AKAP12: variants seen among roughly 807,000 people sequenced by gnomAD.
AKAP12 encodes A-kinase anchor protein 12.
AKAP12 carries 32 observed loss-of-function variants against 79.9 expected under a neutral mutation model. The observed-to-expected ratio is 0.40, with a 90% confidence interval of 0.30 to 0.54. The LOEUF is 0.54. Among genes scored for constraint, AKAP12 ranks in the 20% least tolerant of loss-of-function variants. The probability of loss-of-function intolerance (pLI) is 0.48; values close to 1 mark genes in which losing one functional copy is unlikely to be tolerated. For synonymous variants in AKAP12, 808 were observed against 857.0 expected (o/e 0.94, Z 1.00); for missense variants, 2,074 against 2,177.0 (o/e 0.95, Z 0.94).
chr6:151,253,565 A>G (rs948554352), intron 2 of AKAP12, among the ~76,000 whole-genome samples: 3 of 152,158 alleles, frequency 2.0e-5, no homozygotes, highest in Admixed American at 6.6e-5. Context: ...ATTGAATCCT[A>G]TAGAAACTTC....
Position 151,353,476 on chromosome 6 carries a change from G to A in AKAP12, c.5085G>A (p.Pro1695=), listed in dbSNP as rs569287283. Residue 1695 remains proline, a synonymous_variant, in exon 4 of 5, where the codon CCG becomes CCA. Transcript: ENST00000402676. ...AERIEKSLVE[P]KEDEKGDDVD... is the part of the protein sequence containing the mutation. ...GAATAGAGAAGTCACTAGTTGAACC[G>A]AAAGAAGATGAAAAAGGTGATGATG... The A allele has an allele frequency of 3.5e-5, 57 of 1,614,162 alleles. No individual in the cohort carries two copies. Among genetic ancestry groups the A allele is most frequent in the South Asian group, 7.7e-5 (7 of 91,078 alleles).
intron 3 of AKAP12, among the ~76,000 whole-genome samples, chr6:151,338,996 C>T (rs1054063144): frequency 6.6e-6 from 1 of 152,180 alleles, no homozygotes; most frequent in African/African-American, 2.4e-5. Context: ...TTGATGGATG[C>T]TCGGGCCGAT....
chr6:151,253,898 G>A (rs924291756), intron 2 of AKAP12, among the ~76,000 whole-genome samples: 2 of 151,582 alleles, frequency 1.3e-5, no homozygotes, highest in South Asian at 2.1e-4. Context: ...TAGTAGAGAC[G>A]GGGTTTTACC....
chr6:151,300,144 A>T (rs940555116), intron 2 of AKAP12, among the ~76,000 whole-genome samples: 1 of 152,172 alleles, frequency 6.6e-6, no homozygotes, highest in South Asian at 2.1e-4. Flanking sequence ...ATTAGAATGA[A>T]GGAGAAAACA....
At chr6:151,345,090 G>C (rs1024914535) in intron 3 of AKAP12, among the ~76,000 whole-genome samples, 1 of 149,216 alleles carries the variant, frequency 6.7e-6, no homozygotes, top group Non-Finnish European at 1.5e-5. Context: ...TTTTTTTTTT[G>C]GGGGGGACAG....
At chr6:151,297,727 C>T (rs1475085407) in intron 2 of AKAP12, among the ~76,000 whole-genome samples, 1 of 151,986 alleles carries the variant, frequency 6.6e-6, no homozygotes, top group Admixed American at 6.6e-5. Flanking sequence ...TGAGATGTGT[C>T]GCCTCTACCG....
chr6:151,287,033 G>A (rs1467855833), intron 2 of AKAP12, among the ~76,000 whole-genome samples: 2 of 151,018 alleles, frequency 1.3e-5, no homozygotes, highest in Admixed American at 6.6e-5. Context: ...TCTGCCTCCC[G>A]GGTTCACACC....
At chr6:151,264,704 A>G (rs1053002464) in intron 2 of AKAP12, among the ~76,000 whole-genome samples, 38 of 151,926 alleles carry the variant, frequency 2.5e-4, no homozygotes, top group African/African-American at 8.4e-4. Context: ...GATAAATAGT[A>G]TGATGTAAAA....
intron 3 of AKAP12, among the ~76,000 whole-genome samples, chr6:151,344,966 T>G (rs1182665078): frequency 2.0e-5 from 3 of 152,216 alleles, no homozygotes; most frequent in African/African-American, 7.2e-5. Context: ...GTAATAAGAT[T>G]ATATAATTGG....
In AKAP12 at chr6:151,350,182, T is replaced by C. The variant is rs1778238997; in HGVS notation, c.1791T>C (p.Thr597=). The C allele has an allele frequency of 6.2e-7, 1 of 1,613,876 alleles. No individual in the cohort carries two copies. The highest frequency in any genetic ancestry group is 1.1e-5 in the South Asian group (1 of 91,054). ...QQDGEAEEGA[T]SDGEKKREGV... The stretch of plus-strand genomic sequence containing the variant: ...ATGGGGAAGCTGAAGAAGGAGCTAC[T>C]TCCGATGGAGAGAAAAAAAGAGAAG... Residue 597 remains threonine (T), a synonymous_variant, in exon 4 of 5, where the codon ACT becomes ACC. Transcript: ENST00000402676. This position sits in a 1 kb window ranked among gnomAD's most constrained non-coding sequence, Gnocchi z 4.8.
At position 151,349,923 on chromosome 6, in the gene AKAP12, T is replaced by C; in HGVS notation, c.1532T>C (p.Val511Ala). The C allele has an allele frequency of 6.2e-7, 1 of 1,613,646 alleles. No individual in the cohort carries two copies. Among genetic ancestry groups the C allele is most frequent in the Non-Finnish European group, 8.5e-7 (1 of 1,179,934 alleles). Residue 511 changes from valine (V) to alanine (A), a missense_variant, in exon 4 of 5, where the codon GTG (valine) becomes GCG (alanine). Physicochemically the swap from Val to Ala is moderately conservative, Grantham distance 64. Coordinates refer to ENST00000402676, the MANE Select transcript of AKAP12 (RefSeq NM_005100.4). ...EMLSSQERMK[V>A]QGSPLKKLFT... ...CTGTCATCACAGGAGAGAATGAAGG[T>C]GCAGGGAAGTCCACTAAAGAAGCTT...
chr6:151,276,972 A>C (rs6557129), intron 2 of AKAP12, among the ~76,000 whole-genome samples: 12,872 of 152,276 alleles, frequency 0.085, 681 homozygotes, highest in African/African-American at 0.12. Flanking sequence ...ACGGGCACAT[A>C]ATCAATTGAA....
intron 3 of AKAP12, among the ~76,000 whole-genome samples, chr6:151,342,759 A>C (rs765124015): frequency 6.6e-6 from 1 of 152,218 alleles, no homozygotes; most frequent in Non-Finnish European, 1.5e-5. Flanking sequence ...CTGAACTATC[A>C]ATAGCTGTTC....
At chr6:151,296,246 G>A (rs1363341505) in intron 2 of AKAP12, among the ~76,000 whole-genome samples, 2 of 151,974 alleles carry the variant, frequency 1.3e-5, no homozygotes, top group African/African-American at 4.8e-5. Context: ...GCCCACCCCG[G>A]GATGCATCCT....
chr6:151,335,477 G>GTTTT (rs71014574), intron 3 of AKAP12, among the ~76,000 whole-genome samples: 76,606 of 151,594 alleles, frequency 0.51, 23,282 homozygotes, highest in African/African-American at 0.86. Context: ...TATTTTTACT[G>GTTTT]TTGTTTGTTT....
At position 151,259,474 on chromosome 6, in the gene AKAP12, A is replaced by ATATGTG. The variant is rs1562710173; in HGVS notation, c.162+18753_162+18754insGTGTAT. Among the ~76,000 whole-genome samples the ATATGTG allele has an allele frequency of 2.2e-4, 20 of 90,206 alleles. No homozygotes were observed. In the South Asian group the frequency reaches 2.4e-3, roughly 11 times the overall value. The allele number at this position is 90,206 out of a possible 152,430, so 59.2% of individuals were successfully genotyped here. Reference sequence around the variant, plus strand: ...TATATACACACATATATACATGTATATATATATATACACACACATATACAT... The same window carrying ATATGTG: ...TATATACACACATATATACATGTATATATGTGTATATATATACACACACATATACAT... On this transcript the variant is annotated intron_variant, in intron 2 of 4. Coordinates refer to ENST00000402676, the MANE Select transcript of AKAP12 (RefSeq NM_005100.4).
intron 3 of AKAP12, among the ~76,000 whole-genome samples, chr6:151,347,669 A>G (rs1460190272): frequency 6.6e-6 from 1 of 152,238 alleles, no homozygotes; most frequent in African/African-American, 2.4e-5. Context: ...AAGATTTGCA[A>G]ATCTCTGTAA....
chr6:151,348,680 T>TCACCACCCCCCCCCCCCC, intron 3 of AKAP12, 31 bp from the exon 4 acceptor site: 1 of 355,202 alleles, frequency 2.8e-6, no homozygotes. Context: ...TTTTCTCTTC[T>TCACCACCCCCCCCCCCCC]CCCCACCCCC....
At chr6:151,328,695 G>T (rs1777597411) in intron 3 of AKAP12, among the ~76,000 whole-genome samples, 1 of 151,678 alleles carries the variant, frequency 6.6e-6, no homozygotes, top group African/African-American at 2.4e-5. Context: ...AAAGGTCTTT[G>T]CATCTTTGGG....
Sources: gnomAD v4.1 joint callset for allele counts (sites outside exome capture counted in the v4.1 genomes callset) on GRCh38, gnomAD v4.1.1 for gene constraint, Gnocchi (gnomAD v3.1) non-coding constraint, MANE v1.5 for transcripts, NCBI Gene and HGNC (gene_info 2026-07-23, HGNC 2026-07-21) for gene names.